The following BCL2 variants were observed in gnomAD, a reference collection of about 807,000 sequenced individuals.
BCL2 encodes the protein BCL2 apoptosis regulator, also known as apoptosis regulator Bcl-2.
Under a neutral mutation model 14.2 loss-of-function variants are expected in BCL2, and 1 was observed. The observed-to-expected ratio is 0.07, with a 90% CI of 0.02 to 0.33. The LOEUF (loss-of-function observed/expected upper bound fraction) is 0.33, where lower values mean the gene tolerates loss of function less well. Among genes scored for constraint, BCL2 ranks in the 10% least tolerant of loss-of-function variants. The pLI is 0.99. For synonymous variants in BCL2, 151 were observed against 137.2 expected (o/e 1.10, Z -0.70); for missense variants, 247 against 305.9 (o/e 0.81, Z 1.44).
chr18:63,162,868 C>T (rs998675666), intron 2 of BCL2, among the ~76,000 whole-genome samples: 6 of 148,222 alleles, frequency 4.0e-5, no homozygotes, highest in Non-Finnish European at 5.9e-5. Context: ...TCCTTCCTTC[C>T]TTTAAATTGA....
intron 2 of BCL2, among the ~76,000 whole-genome samples, chr18:63,176,897 G>A (rs1283341598): frequency 1.3e-5 from 2 of 150,934 alleles, no homozygotes; most frequent in African/African-American, 4.9e-5. Flanking sequence ...CCTTCCCGAA[G>A]AACTTGATGT....
chr18:63,244,414 C>A lies in BCL2; in HGVS notation c.585+73668G>T, dbSNP rs143703806. The stretch of plus-strand genomic sequence containing the variant: ...CAACAACAACAAATACAAAAATTAG[C>A]CAGGCATGGTGACGGGTGCCTGTAA... On this transcript the variant is annotated intron_variant, in intron 2 of 2. Transcript: ENST00000333681. Among the ~76,000 whole-genome samples, 342 of 151,570 alleles carry A rather than the reference C, an allele frequency of 2.3e-3. 1 individual carries two copies. Among genetic ancestry groups the A allele is most frequent in the African/African-American group, 7.4e-3 (305 of 41,264 alleles).
intron 2 of BCL2, among the ~76,000 whole-genome samples, chr18:63,246,604 T>C (rs990977626): frequency 6.6e-6 from 1 of 152,130 alleles, no homozygotes; most frequent in Non-Finnish European, 1.5e-5. Flanking sequence ...CTCCCTCCCA[T>C]GACATGTGGG....
rs550782441 is a variant in BCL2 at position 63,190,242 on chromosome 18, C to G, written c.586-61483G>C. Among the ~76,000 whole-genome samples the G allele has an allele frequency of 2.0e-5, 3 of 152,164 alleles. No homozygotes were observed. In the East Asian group the frequency reaches 5.8e-4, roughly 29 times the overall value. ...TGAATCCACCCTAAATAATAATCTC[C>G]AAATTAACAATTACCACCCTGAGAT... On this transcript the variant is annotated intron_variant, in intron 2 of 2. Transcript: ENST00000333681.
At chr18:63,205,584 C>T (rs756141611) in intron 2 of BCL2, among the ~76,000 whole-genome samples, 11 of 152,076 alleles carry the variant, frequency 7.2e-5, no homozygotes, top group Non-Finnish European at 1.2e-4. Flanking sequence ...GTACTCTGAA[C>T]TACTGGGGAG....
intron 2 of BCL2, among the ~76,000 whole-genome samples, chr18:63,213,718 T>A (rs879703509): frequency 1.3e-5 from 2 of 152,124 alleles, no homozygotes; most frequent in Non-Finnish European, 2.9e-5. Flanking sequence ...CACTCCAGAT[T>A]ACCCCATTTG....
intron 2 of BCL2, among the ~76,000 whole-genome samples, chr18:63,160,145 T>A (rs1049958671): frequency 3.3e-5 from 5 of 152,206 alleles, no homozygotes; most frequent in Non-Finnish European, 7.3e-5. Context: ...TTAAATTATT[T>A]GCATCTGAAT....
At chr18:63,264,416 T>C (rs185322128) in intron 2 of BCL2, among the ~76,000 whole-genome samples, 137 of 152,218 alleles carry the variant, frequency 9.0e-4, no homozygotes, top group Middle Eastern at 3.4e-3. Context: ...AAATTAAATA[T>C]GAGATGACCT....
intron 2 of BCL2, among the ~76,000 whole-genome samples, chr18:63,218,974 C>G (rs1910306111): frequency 6.6e-6 from 1 of 152,194 alleles, no homozygotes; most frequent in Non-Finnish European, 1.5e-5. Context: ...TAACTGGTCT[C>G]CCTGCAACCA....
chr18:63,140,413 A>G (rs148685662), intron 2 of BCL2, among the ~76,000 whole-genome samples: 16 of 152,378 alleles, frequency 1.1e-4, no homozygotes, highest in Middle Eastern at 3.4e-3. Context: ...TAACTGATGA[A>G]CAAATAAACA....
chr18:63,129,106 C>T (rs1039012100), intron 2 of BCL2, among the ~76,000 whole-genome samples: 6 of 151,960 alleles, frequency 3.9e-5, no homozygotes, highest in South Asian at 4.2e-4. Context: ...TGCTAAGGGC[C>T]GAGGAGAAAA....
At chr18:63,316,681 T>C (rs1355281577) in intron 2 of BCL2, 3 of 152,234 alleles carry the variant, frequency 2.0e-5, no homozygotes, top group African/African-American at 7.2e-5. Context: ...AGATCAGATG[T>C]TCACATCAAT....
At chr18:63,308,401 A>T (rs1018688904) in intron 2 of BCL2, among the ~76,000 whole-genome samples, 1 of 152,230 alleles carries the variant, frequency 6.6e-6, no homozygotes. Flanking sequence ...CCTGCTTTCT[A>T]TAATGATGGG....
In BCL2 at chr18:63,318,763, AT is replaced by A; in HGVS notation, c.-98del. 6.5e-7 allele frequency: 1 copy of A among 1,542,136 alleles called. No homozygotes were observed. Among genetic ancestry groups the A allele is most frequent in the Non-Finnish European group, 8.7e-7 (1 of 1,147,136 alleles). On this transcript the variant is annotated 5_prime_UTR_variant, in exon 2 of 3. An upstream open reading frame in the 5' UTR gains an earlier in-frame stop. Transcript: ENST00000333681. The surrounding 1 kb of genome is among the most constrained non-coding windows in gnomAD (Gnocchi z 7.4). Reference sequence around the variant, plus strand: ...AAAGAAGAGGAGTTATAATCCAGCTATTTTATTGGATGTGCTTTGCATTCTT... The same window carrying A: ...AAAGAAGAGGAGTTATAATCCAGCTATTTATTGGATGTGCTTTGCATTCTT...
intron 2 of BCL2, chr18:63,316,978 T>C (rs1913518074): frequency 6.6e-6 from 1 of 151,470 alleles, no homozygotes; most frequent in African/African-American, 2.4e-5. Context: ...TTTTCATAAA[T>C]TCATCATTTT....
At chr18:63,154,981 A>C (rs1253205189) in intron 2 of BCL2, among the ~76,000 whole-genome samples, 2 of 152,254 alleles carry the variant, frequency 1.3e-5, no homozygotes, top group Non-Finnish European at 2.9e-5. Context: ...CTGGAATGGC[A>C]ACACCGTGTG....
At chr18:63,308,310 G>A (rs1276608309) in intron 2 of BCL2, among the ~76,000 whole-genome samples, 1 of 152,184 alleles carries the variant, frequency 6.6e-6, no homozygotes, top group Non-Finnish European at 1.5e-5. Context: ...CTTTTGTGCT[G>A]CAGTTCTTTT....
chr18:63,258,747 T>C (rs3744951), intron 2 of BCL2, among the ~76,000 whole-genome samples: 8,042 of 152,336 alleles, frequency 0.053, 245 homozygotes, highest in South Asian at 0.092. Flanking sequence ...CTAAATGTCT[T>C]GGCACGTTTT....
chr18:63,265,959 C>A lies in BCL2; in HGVS notation c.585+52123G>T, dbSNP rs145857791. 8.5e-5 allele frequency among the ~76,000 whole-genome samples: 13 copies of A among 152,254 alleles called. No individual in the cohort carries two copies. In the East Asian group the frequency reaches 1.9e-3, roughly 23 times the overall value. The stretch of plus-strand genomic sequence containing the variant: ...AAGAAGGAAGGGGCAATCTCATAAA[C>A]TACTAATGAGAAAATAAATGAGTAC... On this transcript the variant is annotated intron_variant, in intron 2 of 2. Coordinates refer to ENST00000333681, the MANE Select transcript of BCL2 (RefSeq NM_000633.3).
Sources: allele counts gnomAD v4.1 joint callset (sites outside exome capture counted in the v4.1 genomes callset), GRCh38; gene constraint gnomAD v4.1.1; non-coding constraint Gnocchi (gnomAD v3.1); transcripts MANE v1.5; gene names NCBI Gene and HGNC (gene_info 2026-07-23, HGNC 2026-07-21).